GPHN: variants seen among roughly 807,000 people sequenced by gnomAD.
The protein encoded by GPHN is gephyrin.
A neutral mutation model predicts 95.5 loss-of-function variants in GPHN; 17 were observed. The observed-to-expected ratio is 0.18, with a 90% CI of 0.12 to 0.27. The LOEUF is 0.27. GPHN is among the 10% of genes least tolerant of loss of function. The probability of loss-of-function intolerance (pLI) is 1.00; values close to 1 mark genes in which losing one functional copy is unlikely to be tolerated. For missense variants in GPHN, 660 were observed against 978.1 expected, an observed-to-expected ratio of 0.67 and a Z score of 4.34; for synonymous variants, 320 against 322.5, an observed-to-expected ratio of 0.99 and a Z score of 0.08.
chr14:66,655,998 C>G (rs1397339292), intron 1 of GPHN, among the ~76,000 whole-genome samples: 1 of 152,054 alleles, frequency 6.6e-6, no homozygotes, highest in Non-Finnish European at 1.5e-5. Flanking sequence ...AATTCTTTTA[C>G]TAATATTTTG....
the GPHN span, among the ~76,000 whole-genome samples, chr14:67,661,701 T>G: frequency 1.9e-4 from 28 of 149,768 alleles, no homozygotes; most frequent in African/African-American, 2.7e-4. Flanking sequence ...CTCGGTAATT[T>G]TTTTTTGTTT....
At chr14:67,081,851 G>C (rs1416093386) in intron 11 of GPHN, among the ~76,000 whole-genome samples, 1 of 152,154 alleles carries the variant, frequency 6.6e-6, no homozygotes, top group Non-Finnish European at 1.5e-5. Flanking sequence ...TTGTTGAATA[G>C]GGTGTCCTTT....
chr14:66,732,521 C>T (rs2071866510), intron 2 of GPHN, among the ~76,000 whole-genome samples: 1 of 152,160 alleles, frequency 6.6e-6, no homozygotes, highest in Non-Finnish European at 1.5e-5. Flanking sequence ...AAGTAACTAG[C>T]TTGGGTCCTT....
At chr14:66,708,014 C>G (rs2069255764) in intron 2 of GPHN, among the ~76,000 whole-genome samples, 1 of 152,032 alleles carries the variant, frequency 6.6e-6, no homozygotes, top group Non-Finnish European at 1.5e-5. Flanking sequence ...GTTTCAAAAG[C>G]TGGAGGTTTT....
the GPHN span, among the ~76,000 whole-genome samples, chr14:67,405,277 TTGAGTAC>T: frequency 6.6e-6 from 1 of 151,572 alleles, no homozygotes; most frequent in Non-Finnish European, 1.5e-5. Flanking sequence ...TTTCATTTCC[TTGAGTAC>T]TGTTTTAGTT....
At chr14:66,663,200 GA>G (rs2065758622) in intron 1 of GPHN, among the ~76,000 whole-genome samples, 1 of 152,068 alleles carries the variant, frequency 6.6e-6, no homozygotes, top group African/African-American at 2.4e-5. Context: ...CAAAATGAAA[GA>G]AAAAATGTTA....
At chr14:67,331,567 T>C in the GPHN span, among the ~76,000 whole-genome samples, 9 of 152,254 alleles carry the variant, frequency 5.9e-5, no homozygotes, top group African/African-American at 1.9e-4. Flanking sequence ...TTTTGCCTAG[T>C]TCAGCTAAAA....
At chr14:67,025,683 A>G (rs929832523) in intron 10 of GPHN, among the ~76,000 whole-genome samples, 3 of 152,236 alleles carry the variant, frequency 2.0e-5, no homozygotes, top group African/African-American at 7.2e-5. Context: ...AATAAAATGT[A>G]ATAAACTTAA....
chr14:66,556,996 G>C (rs957746956), intron 1 of GPHN, among the ~76,000 whole-genome samples: 8 of 152,204 alleles, frequency 5.3e-5, no homozygotes, highest in African/African-American at 1.9e-4. Flanking sequence ...CCAGGAGTTT[G>C]AGACCTGCTT....
At chr14:66,979,538 A>G (rs1256750807) in intron 9 of GPHN, among the ~76,000 whole-genome samples, 2 of 152,184 alleles carry the variant, frequency 1.3e-5, no homozygotes, top group Non-Finnish European at 2.9e-5. Flanking sequence ...CATAGACTTG[A>G]AGAAAGTTAC....
intron 1 of GPHN, among the ~76,000 whole-genome samples, chr14:66,619,811 A>G (rs981073830): frequency 2.6e-5 from 4 of 152,130 alleles, no homozygotes; most frequent in Admixed American, 1.3e-4. Flanking sequence ...TAGAAATACA[A>G]TTGATTTTTG....
At chr14:67,607,273 C>G in the GPHN span, among the ~76,000 whole-genome samples, 1 of 152,208 alleles carries the variant, frequency 6.6e-6, no homozygotes, top group Non-Finnish European at 1.5e-5. Context: ...AGCTGGCAAG[C>G]TCTTAAAAAC....
chr14:67,127,253 T>TA (rs147026463), intron 17 of GPHN, among the ~76,000 whole-genome samples: 8,683 of 144,826 alleles, frequency 0.06, 312 homozygotes, highest in Middle Eastern at 0.14. Flanking sequence ...TAAAGTATAA[T>TA]AAAAAAAAAA....
chr14:67,588,593 G>A, the GPHN span: 1 of 152,092 alleles, frequency 6.6e-6, no homozygotes, highest in African/African-American at 2.4e-5. Flanking sequence ...CCTCTAGACA[G>A]GTTGTAGACA....
intron 18 of GPHN, among the ~76,000 whole-genome samples, chr14:67,157,195 T>C (rs1396727680): frequency 6.6e-6 from 1 of 152,156 alleles, no homozygotes; most frequent in African/African-American, 2.4e-5. Flanking sequence ...ATTCTTTTTC[T>C]TTTCTTATAA....
At position 66,628,852 on chromosome 14, in the gene GPHN, G is replaced by A. The variant is rs1047067532; in HGVS notation, c.65-52255G>A. ...AAGCAGGAAGATTGCTTAATCCCAG[G>A]AGTTTAAAACCAGCATGGGGAAGAT... On this transcript the variant is annotated intron_variant, in intron 1 of 22. Coordinates refer to ENST00000478722, the MANE Select transcript of GPHN (RefSeq NM_020806.5). Among the ~76,000 whole-genome samples, 3 of 151,368 alleles carry A rather than the reference G, an allele frequency of 2.0e-5. No individual in the cohort carries two copies. The South Asian group carries it at 6.2e-4, about 31-fold the overall frequency.
At chr14:67,238,807 C>T in the GPHN span, among the ~76,000 whole-genome samples, 1 of 151,946 alleles carries the variant, frequency 6.6e-6, no homozygotes, top group Non-Finnish European at 1.5e-5. Flanking sequence ...TCATGCCCAG[C>T]TAATTTTGTA....
At chr14:67,022,517 A>G (rs2073682045) in intron 9 of GPHN, among the ~76,000 whole-genome samples, 1 of 148,300 alleles carries the variant, frequency 6.7e-6, no homozygotes, top group African/African-American at 2.5e-5. Flanking sequence ...AAAAGAGAAT[A>G]ACTAACATTT....
chr14:66,625,557 T>C (rs2063495185), intron 1 of GPHN, among the ~76,000 whole-genome samples: 1 of 152,170 alleles, frequency 6.6e-6, no homozygotes, highest in African/African-American at 2.4e-5. Flanking sequence ...TAGTTTCTTT[T>C]CCCTACCTTT....
Sources: gnomAD v4.1 joint callset for allele counts (sites outside exome capture counted in the v4.1 genomes callset) on GRCh38, gnomAD v4.1.1 for gene constraint, MANE v1.5 for transcripts, NCBI Gene and HGNC (gene_info 2026-07-23, HGNC 2026-07-21) for gene names.